EPHB1: variants seen among roughly 807,000 people sequenced by gnomAD.
The protein encoded by EPHB1 is ephrin type-B receptor 1.
Under a neutral mutation model 94.4 loss-of-function variants are expected in EPHB1, and 30 were observed. That is an observed-to-expected ratio of 0.32 (90% CI 0.24 to 0.43). The LOEUF is 0.43. Among genes scored for constraint, EPHB1 ranks in the 20% least tolerant of loss-of-function variants. EPHB1 has a pLI of 1.00. For synonymous variants in EPHB1, 522 were observed against 489.1 expected (o/e 1.07, Z -0.89); for missense variants, 1,055 against 1,308.3 (o/e 0.81, Z 2.99).
chr3:135,161,038 G>A (rs1453696793), intron 6 of EPHB1, among the ~76,000 whole-genome samples: 2 of 152,170 alleles, frequency 1.3e-5, no homozygotes, highest in African/African-American at 4.8e-5. Context: ...AAGAAGTGTG[G>A]CGTTGGGTGG....
At chr3:134,822,175 G>A (rs1414706466) in intron 1 of EPHB1, among the ~76,000 whole-genome samples, 1 of 152,156 alleles carries the variant, frequency 6.6e-6, no homozygotes, top group East Asian at 1.9e-4. Flanking sequence ...CTTGACCACT[G>A]CCTGGGACCA....
At chr3:135,170,292 G>A (rs1440984840) in intron 9 of EPHB1, among the ~76,000 whole-genome samples, 1 of 152,178 alleles carries the variant, frequency 6.6e-6, no homozygotes, top group Non-Finnish European at 1.5e-5. Context: ...AGCTAGTTGA[G>A]ACGTGGCAGA....
chr3:134,864,197 G>A lies in EPHB1; in HGVS notation c.59-61619G>A, dbSNP rs866631956. On this transcript the variant is annotated intron_variant, in intron 1 of 15. Coordinates refer to ENST00000398015, the MANE Select transcript of EPHB1 (RefSeq NM_004441.5). ...GCCATCACTGCAGTTCATGGCTTTTGTGTGGGGTTCTATTCACCTCCTTTC... is the reference window on the plus strand; with the variant it reads ...GCCATCACTGCAGTTCATGGCTTTTATGTGGGGTTCTATTCACCTCCTTTC... Among the ~76,000 whole-genome samples the A allele has an allele frequency of 2.6e-5, 4 of 152,176 alleles. No individual in the cohort carries two copies. The South Asian group carries it at 8.3e-4, about 32-fold the overall frequency.
At chr3:134,877,586 C>T (rs185853410) in intron 1 of EPHB1, among the ~76,000 whole-genome samples, 1 of 152,286 alleles carries the variant, frequency 6.6e-6, no homozygotes, top group Admixed American at 6.5e-5. Flanking sequence ...AGATAAGCCA[C>T]AAGAAAATTG....
chr3:135,195,064 A>G (rs1405921075), intron 11 of EPHB1, among the ~76,000 whole-genome samples: 1 of 152,190 alleles, frequency 6.6e-6, no homozygotes, highest in Non-Finnish European at 1.5e-5. Flanking sequence ...AATGAAGTTG[A>G]GTTGAATAAA....
intron 3 of EPHB1, among the ~76,000 whole-genome samples, chr3:135,100,885 A>C (rs1939010754): frequency 6.6e-6 from 1 of 152,238 alleles, no homozygotes; most frequent in African/African-American, 2.4e-5. Flanking sequence ...ACGTTTAGGC[A>C]TGGGGTGCTC....
At chr3:134,992,379 G>T (rs888877890) in intron 3 of EPHB1, among the ~76,000 whole-genome samples, 11 of 152,310 alleles carry the variant, frequency 7.2e-5, no homozygotes, top group Non-Finnish European at 1.2e-4. Context: ...AGCTCTCTGT[G>T]CGCAAAGGAC....
chr3:135,059,445 C>T (rs1268956056), intron 3 of EPHB1, among the ~76,000 whole-genome samples: 1 of 152,048 alleles, frequency 6.6e-6, no homozygotes, highest in Non-Finnish European at 1.5e-5. Context: ...TGAACTCCCA[C>T]CTGCTTGAAA....
At chr3:135,043,718 C>T (rs373421951) in intron 3 of EPHB1, among the ~76,000 whole-genome samples, 9 of 152,218 alleles carry the variant, frequency 5.9e-5, no homozygotes, top group Non-Finnish European at 1.0e-4. Flanking sequence ...ATTCCTTTAG[C>T]GGAAGACTCT....
At chr3:134,976,190 T>C (rs1934187089) in intron 3 of EPHB1, among the ~76,000 whole-genome samples, 1 of 152,280 alleles carries the variant, frequency 6.6e-6, no homozygotes, top group Admixed American at 6.5e-5. Flanking sequence ...TTCCCCTACA[T>C]GAATTCAGAG....
At chr3:134,898,428 C>T (rs2038129464) in intron 1 of EPHB1, among the ~76,000 whole-genome samples, 1 of 152,176 alleles carries the variant, frequency 6.6e-6, no homozygotes, top group Non-Finnish European at 1.5e-5. Context: ...AGCCTGACCT[C>T]CTTTTTCTGA....
chr3:134,919,989 A>T (rs1346469310), intron 1 of EPHB1, among the ~76,000 whole-genome samples: 1 of 152,022 alleles, frequency 6.6e-6, no homozygotes, highest in Non-Finnish European at 1.5e-5. Context: ...ACCAGGCTCC[A>T]TACATCTGCC....
At chr3:135,251,159 CTAGAT>C (rs977432563) in intron 15 of EPHB1, among the ~76,000 whole-genome samples, 5 of 151,910 alleles carry the variant, frequency 3.3e-5, no homozygotes, top group Admixed American at 6.6e-5. Flanking sequence ...TTCTTAAAAA[CTAGAT>C]TAATTTCCTG....
At chr3:135,053,806 G>A (rs1478253074) in intron 3 of EPHB1, among the ~76,000 whole-genome samples, 2 of 152,138 alleles carry the variant, frequency 1.3e-5, no homozygotes, top group African/African-American at 4.8e-5. Context: ...AAGCAACATA[G>A]TGAGACCAGT....
chr3:135,260,318 A>T lies in EPHB1; in HGVS notation c.*1198A>T, dbSNP rs1559897387. On this transcript the variant is annotated 3_prime_UTR_variant, in exon 16 of 16. Coordinates refer to ENST00000398015, the MANE Select transcript of EPHB1 (RefSeq NM_004441.5). ...TTCAAATGTGTCTGTGTTTCTCTTT[A>T]CATTCCTTGTTGTACCTCATTGTTC... 8.6e-6 allele frequency: 2 copies of T among 232,830 alleles called. No homozygotes were observed. Among genetic ancestry groups the T allele is most frequent in the Non-Finnish European group, 1.7e-5 (2 of 117,586 alleles). 14.4% of individuals were successfully genotyped at this position (232,830 alleles called of 1,614,324 possible).
At chr3:134,960,119 T>C (rs1476211750) in intron 3 of EPHB1, among the ~76,000 whole-genome samples, 1 of 151,942 alleles carries the variant, frequency 6.6e-6, no homozygotes, top group Admixed American at 6.6e-5. Context: ...TTAGGAGCCC[T>C]GAGAGATCTG....
intron 1 of EPHB1, among the ~76,000 whole-genome samples, chr3:134,803,879 G>A (rs2035980405): frequency 6.6e-6 from 1 of 152,130 alleles, no homozygotes; most frequent in South Asian, 2.1e-4. Context: ...TGCCATCAAA[G>A]GCACAGACAG....
intron 3 of EPHB1, among the ~76,000 whole-genome samples, chr3:134,997,862 C>G (rs1042229441): frequency 2.0e-5 from 3 of 152,156 alleles, no homozygotes; most frequent in Non-Finnish European, 2.9e-5. Context: ...GAATGGTGTT[C>G]CCATTCCTGC....
rs1473011957 is a variant in EPHB1 at position 135,200,710 on chromosome 3, A to T, written c.2131-764A>T. Among the ~76,000 whole-genome samples, 11 of 152,328 alleles carry T rather than the reference A, an allele frequency of 7.2e-5. No homozygotes were observed. The South Asian group carries it at 2.1e-3, about 29-fold the overall frequency. ...GACAGACAGACAGAAAGACACACAC[A>T]CACACGATTAAAACTTGTGATATGT... On this transcript the variant is annotated intron_variant, in intron 11 of 15. Coordinates refer to ENST00000398015, the MANE Select transcript of EPHB1 (RefSeq NM_004441.5).
Sources: allele counts gnomAD v4.1 joint callset (sites outside exome capture counted in the v4.1 genomes callset), GRCh38; gene constraint gnomAD v4.1.1; transcripts MANE v1.5; gene names NCBI Gene and HGNC (gene_info 2026-07-23, HGNC 2026-07-21).